Variants in KATNAL2 observed in about 807,000 individuals in gnomAD.
KATNAL2 encodes katanin catalytic subunit A1 like 2.
In KATNAL2, 52 loss-of-function variants were observed where a neutral mutation model predicts 76.3. The ratio of observed to expected loss-of-function variants is 0.68; its 90% CI spans 0.55 to 0.86. The LOEUF (loss-of-function observed/expected upper bound fraction) is 0.86, where lower values mean the gene tolerates loss of function less well. Ranked by LOEUF, KATNAL2 falls within the 40% of genes least tolerant of loss-of-function variation. The probability of loss-of-function intolerance (pLI) is 0.00; values close to 1 mark genes in which losing one functional copy is unlikely to be tolerated. For synonymous variants in KATNAL2, 243 were observed against 244.2 expected (o/e 1.00, Z 0.05); for missense variants, 660 against 668.9 (o/e 0.99, Z 0.15).
intron 1 of KATNAL2, among the ~76,000 whole-genome samples, chr18:46,925,870 G>C (rs908206815): frequency 7.9e-5 from 12 of 152,076 alleles, no homozygotes; most frequent in African/African-American, 2.9e-4. Context: ...GTTTATTTGC[G>C]TAGAGGTGTT....
chr18:47,035,617 C>T (rs1335362470), intron 3 of KATNAL2: 5 of 481,176 alleles, frequency 1.0e-5, no homozygotes, highest in South Asian at 6.9e-5. Context: ...AGCCCTGACC[C>T]TCTTAGCTCT....
chr18:46,923,120 T>A (rs1007430695), intron 1 of KATNAL2, among the ~76,000 whole-genome samples: 11 of 151,478 alleles, frequency 7.3e-5, no homozygotes, highest in African/African-American at 2.7e-4. Flanking sequence ...ACGTGCAGGT[T>A]TGTTACATAT....
At chr18:46,944,220 C>T (rs1280232138) in intron 1 of KATNAL2, among the ~76,000 whole-genome samples, 1 of 152,142 alleles carries the variant, frequency 6.6e-6, no homozygotes, top group East Asian at 1.9e-4. Context: ...CCTTGTAAGA[C>T]ATTAACAAGT....
At chr18:47,034,284 ATT>A in intron 3 of KATNAL2, 2 of 1,613,614 alleles carry the variant, frequency 1.2e-6, no homozygotes, top group Non-Finnish European at 1.7e-6. Context: ...CGTGTGTCCC[ATT>A]TCCTGGGTCC....
intron 15 of KATNAL2, among the ~76,000 whole-genome samples, chr18:47,087,120 T>A (rs2062810171): frequency 6.6e-6 from 1 of 152,246 alleles, no homozygotes; most frequent in Non-Finnish European, 1.5e-5. Flanking sequence ...TAGTTATTTA[T>A]CATCTTTTGC....
intron 15 of KATNAL2, among the ~76,000 whole-genome samples, chr18:47,087,752 C>CTGTGTGTGTGTGTGTGTG (rs35852657): frequency 2.7e-5 from 4 of 148,548 alleles, no homozygotes; most frequent in African/African-American, 7.4e-5. Context: ...TCTTTTACAT[C>CTGTGTGTGTGTGTGTGTG]TGTGTGTGTG....
At chr18:46,944,255 T>C (rs529136265) in intron 1 of KATNAL2, among the ~76,000 whole-genome samples, 10 of 152,338 alleles carry the variant, frequency 6.6e-5, no homozygotes, top group African/African-American at 2.2e-4. Context: ...AGCAGTCTTA[T>C]AAAGTTGGCC....
At chr18:47,059,719 C>A (rs1452541326) in intron 8 of KATNAL2, 65 bp downstream of exon 8, 6 of 1,139,894 alleles carry the variant, frequency 5.3e-6, no homozygotes, top group Admixed American at 1.8e-5. Context: ...AACATGAAAA[C>A]AAAAAACATT....
intron 3 of KATNAL2, among the ~76,000 whole-genome samples, chr18:46,965,396 C>T (rs1237796490): frequency 1.9e-4 from 21 of 113,428 alleles, no homozygotes; most frequent in South Asian, 2.6e-4. Context: ...GCAAGTCTTG[C>T]CCAGCTGCCC....
chr18:47,069,826 A>G (rs1033354254), intron 13 of KATNAL2, among the ~76,000 whole-genome samples: 2 of 152,172 alleles, frequency 1.3e-5, no homozygotes, highest in African/African-American at 4.8e-5. Context: ...AATTTGATCA[A>G]CAGCTCTTTT....
chr18:46,945,105 A>G (rs1442438498), intron 1 of KATNAL2, among the ~76,000 whole-genome samples: 2 of 152,218 alleles, frequency 1.3e-5, no homozygotes, highest in African/African-American at 4.8e-5. Context: ...GTCTGTAAAT[A>G]TTCAGTTCCT....
intron 15 of KATNAL2, among the ~76,000 whole-genome samples, chr18:47,081,138 CTCTT>C (rs2062498464): frequency 6.6e-6 from 1 of 151,820 alleles, no homozygotes; most frequent in Admixed American, 6.6e-5. Context: ...CTTTCTTTCT[CTCTT>C]CCTTCCTTTC....
intron 3 of KATNAL2, among the ~76,000 whole-genome samples, chr18:47,043,226 C>CA (rs1195140135): frequency 0.054 from 2,227 of 41,440 alleles, 236 homozygotes; most frequent in South Asian, 0.2. Flanking sequence ...GACTCCGTTT[C>CA]AAAAAAAAAA....
chr18:46,918,215 T>G (rs569802041), intron 1 of KATNAL2, among the ~76,000 whole-genome samples: 1 of 152,224 alleles, frequency 6.6e-6, no homozygotes, highest in South Asian at 2.1e-4. Flanking sequence ...CCCCGTAATG[T>G]GCTGATATAG....
At chr18:46,955,140 C>CTCTATTTCTTTCTTTCTTTCTT (rs1555834717) in intron 3 of KATNAL2, among the ~76,000 whole-genome samples, 2 of 85,020 alleles carry the variant, frequency 2.4e-5, no homozygotes, top group Admixed American at 2.8e-4. Context: ...CTTTCTCTCT[C>CTCTATTTCTTTCTTTCTTTCTT]TCTTTCTTTC....
chr18:47,044,729 C>G (rs554255535), intron 3 of KATNAL2, among the ~76,000 whole-genome samples: 2 of 146,082 alleles, frequency 1.4e-5, no homozygotes, highest in East Asian at 4.1e-4. Flanking sequence ...CCACTGCATT[C>G]CAACCTGGGC....
chr18:47,061,475 C>T (rs2061629851), intron 8 of KATNAL2, among the ~76,000 whole-genome samples: 1 of 152,142 alleles, frequency 6.6e-6, no homozygotes, highest in Admixed American at 6.5e-5. Flanking sequence ...ATGAGAGTTC[C>T]TCCCCAATGA....
At chr18:46,952,400 T>TTTG (rs1555833654) in intron 3 of KATNAL2, among the ~76,000 whole-genome samples, 5 of 133,402 alleles carry the variant, frequency 3.7e-5, no homozygotes, top group African/African-American at 1.4e-4. Context: ...TATGTTTTTT[T>TTTG]TTTTTTTTTT....
intron 3 of KATNAL2, among the ~76,000 whole-genome samples, chr18:47,031,231 G>A (rs1221911605): frequency 2.0e-5 from 3 of 151,216 alleles, no homozygotes; most frequent in Non-Finnish European, 2.9e-5. Context: ...CCTCGGAAAG[G>A]CTTGCTCTGG....
Sources: gnomAD v4.1 joint callset for allele counts (sites outside exome capture counted in the v4.1 genomes callset) on GRCh38, gnomAD v4.1.1 for gene constraint, MANE v1.5 for transcripts, NCBI Gene and HGNC (gene_info 2026-07-23, HGNC 2026-07-21) for gene names.